Variants in PLA2G2F observed in about 807,000 individuals in gnomAD.
The protein encoded by PLA2G2F is phospholipase A2 group IIF, also known as group IIF secretory phospholipase A2.
In PLA2G2F, 17 loss-of-function variants were observed where a neutral mutation model predicts 15.9. The ratio of observed to expected loss-of-function variants is 1.07; its 90% CI spans 0.73 to 1.60. The LOEUF (loss-of-function observed/expected upper bound fraction) is 1.60. Among genes scored for constraint, PLA2G2F ranks in the 40% most tolerant of loss-of-function variants. The pLI is 0.00. For synonymous variants in PLA2G2F, 119 were observed against 106.5 expected, an observed-to-expected ratio of 1.12 and a Z score of -0.72; for missense variants, 299 against 278.2, an observed-to-expected ratio of 1.07 and a Z score of -0.53.
At chr1:20,140,544 C>A in intron 2 of PLA2G2F, 1 of 302,710 alleles carries the variant, frequency 3.3e-6, no homozygotes, top group Non-Finnish European at 6.2e-6. Flanking sequence ...ATTTTGTGTG[C>A]AGACAGGCAC....
chr1:20,143,296 T>C (rs1309366579), intron 2 of PLA2G2F, 150 bp from the exon 3 acceptor site: 2 of 1,004,450 alleles, frequency 2.0e-6, no homozygotes, highest in Non-Finnish European at 1.5e-6. Flanking sequence ...CCCACGCTTC[T>C]TGCCCCAGCT....
chr1:20,144,324 A>C (rs979065352), intron 3 of PLA2G2F, among the ~76,000 whole-genome samples: 5 of 152,194 alleles, frequency 3.3e-5, no homozygotes, highest in African/African-American at 1.2e-4. Flanking sequence ...GATAGAACAA[A>C]GACACAGGGG....
chr1:20,140,318 T>G, intron 2 of PLA2G2F, 100 bp downstream of exon 2: 1 of 1,294,728 alleles, frequency 7.7e-7, no homozygotes, highest in Non-Finnish European at 1.1e-6. Context: ...CCAGCCTAGG[T>G]TCCTTCCTGT....
Position 20,148,508 on chromosome 1 carries a change from C to T in PLA2G2F, c.*107C>T. On this transcript the variant is annotated 3_prime_UTR_variant, in exon 5 of 5. Coordinates refer to ENST00000375102, the MANE Select transcript of PLA2G2F (RefSeq NM_022819.4). ...CCAGGAGCCTGAGGGTTGCTGGTTG[C>T]CTCCTCCCTGGAGCTCTCCAGTGAG... The T allele has an allele frequency of 1.1e-6, 1 of 935,952 alleles. No individual in the cohort carries two copies. Among genetic ancestry groups the T allele is most frequent in the Non-Finnish European group, 1.6e-6 (1 of 617,322 alleles). 58.0% of individuals were successfully genotyped at this position (935,952 alleles called of 1,614,324 possible).
rs533317382 is a variant in PLA2G2F at position 20,143,669 on chromosome 1, C to T, written c.314+79C>T. ...GTCAGACTGACCTTGCCCTCCATCCCTGAGTGGGGGAGACCTTCTTTCCCC... is the reference window on the plus strand; with the variant it reads ...GTCAGACTGACCTTGCCCTCCATCCTTGAGTGGGGGAGACCTTCTTTCCCC... On this transcript the variant is annotated intron_variant, in intron 3 of 4. Coordinates refer to ENST00000375102, the MANE Select transcript of PLA2G2F (RefSeq NM_022819.4). 18 of 1,536,604 alleles carry T rather than the reference C, an allele frequency of 1.2e-5. No individual in the cohort carries two copies. The South Asian group carries it at 1.9e-4, about 17-fold the overall frequency.
At chr1:20,143,713 G>A (rs2017527313) in intron 3 of PLA2G2F, 123 bp downstream of exon 3, 1 of 1,266,352 alleles carries the variant, frequency 7.9e-7, no homozygotes, top group Non-Finnish European at 1.1e-6. Flanking sequence ...CAGCTTCTTT[G>A]ATGACTTGGT....
chr1:20,141,728 C>T (rs973331343), intron 2 of PLA2G2F: 5 of 152,326 alleles, frequency 3.3e-5, no homozygotes, highest in African/African-American at 9.7e-5. Flanking sequence ...AGGCACTCTA[C>T]ACACCTTCAT....
chr1:20,145,816 G>T (rs1345313348), intron 4 of PLA2G2F, among the ~76,000 whole-genome samples: 1 of 152,006 alleles, frequency 6.6e-6, no homozygotes, highest in Non-Finnish European at 1.5e-5. Context: ...TCACTATGTT[G>T]CCCAGGCTGG....
intron 3 of PLA2G2F, 135 bp from the exon 4 acceptor site, chr1:20,144,445 A>T: frequency 1.5e-6 from 1 of 677,530 alleles, no homozygotes; most frequent in South Asian, 1.7e-5. Flanking sequence ...GACCTCAGAC[A>T]AGTAACTGTC....
At position 20,148,321 on chromosome 1, in the gene PLA2G2F, C is replaced by T. The variant is rs760594368; in HGVS notation, c.556C>T (p.Pro186Ser). 6.2e-7 allele frequency: 1 copy of T among 1,614,120 alleles called. No individual in the cohort carries two copies. The highest frequency in any genetic ancestry group is 8.5e-7 in the Non-Finnish European group (1 of 1,180,000). ...FLNVYCQGPT[P>S]NCSIYEPPPE... ...CAATGTCTACTGCCAGGGCCCCACGCCCAACTGCAGCATCTATGAACCGCC... is the reference window on the plus strand; with the variant it reads ...CAATGTCTACTGCCAGGGCCCCACGTCCAACTGCAGCATCTATGAACCGCC... Residue 186 changes from proline to serine, a missense_variant, in exon 5 of 5, where the codon CCC becomes TCC. Transcript: ENST00000375102.
intron 2 of PLA2G2F, chr1:20,140,513 T>C (rs2017436326): frequency 1.3e-5 from 5 of 378,468 alleles, no homozygotes; most frequent in Non-Finnish European, 2.4e-5. Flanking sequence ...CTAGTGTGTG[T>C]CCATCAGACT....
intron 4 of PLA2G2F, among the ~76,000 whole-genome samples, chr1:20,146,622 G>A (rs1180076971): frequency 6.6e-6 from 1 of 152,220 alleles, no homozygotes; most frequent in Non-Finnish European, 1.5e-5. Flanking sequence ...TTCACCTGGT[G>A]GTACCAGTTG....
chr1:20,144,367 G>T (rs1325458768), intron 3 of PLA2G2F, among the ~76,000 whole-genome samples: 1 of 152,234 alleles, frequency 6.6e-6, no homozygotes, highest in Non-Finnish European at 1.5e-5. Flanking sequence ...GGTCTGGCAG[G>T]TGCCAACGAA....
chr1:20,143,385 A>G, intron 2 of PLA2G2F, 61 bp from the exon 3 acceptor site: 1 of 1,581,408 alleles, frequency 6.3e-7, no homozygotes, highest in Admixed American at 1.7e-5. Flanking sequence ...TCAGGATGAG[A>G]GAGGCTGGGA....
chr1:20,147,828 T>C (rs2017642634), intron 4 of PLA2G2F, among the ~76,000 whole-genome samples: 2 of 152,200 alleles, frequency 1.3e-5, no homozygotes, highest in African/African-American at 4.8e-5. Context: ...GTAACAAGCC[T>C]GGGAGGCGTG....
At chr1:20,144,843 G>A (rs542919882) in intron 4 of PLA2G2F, among the ~76,000 whole-genome samples, 154 bp downstream of exon 4, 4 of 152,206 alleles carry the variant, frequency 2.6e-5, no homozygotes, top group Admixed American at 6.5e-5. Flanking sequence ...TTGGGAGGCC[G>A]AGGCGGGCGG....
chr1:20,144,481 T>G (rs1467290104), intron 3 of PLA2G2F, 99 bp from the exon 4 acceptor site: 5 of 869,446 alleles, frequency 5.8e-6, no homozygotes, highest in Non-Finnish European at 9.3e-6. Context: ...GTTCGAACGT[T>G]TGACCTGCGA....
At chr1:20,147,312 G>A (rs1013664595) in intron 4 of PLA2G2F, among the ~76,000 whole-genome samples, 2 of 152,228 alleles carry the variant, frequency 1.3e-5, no homozygotes, top group Non-Finnish European at 2.9e-5. Context: ...GATGATTTCC[G>A]AAATCTACTA....
At chr1:20,148,057 T>A in intron 4 of PLA2G2F, 133 bp from the exon 5 acceptor site, 1 of 749,054 alleles carries the variant, frequency 1.3e-6, no homozygotes, top group Non-Finnish European at 2.3e-6. Context: ...GTGGTGCTGG[T>A]CCTGCCGCCC....
Sources: gnomAD v4.1 joint callset for allele counts (sites outside exome capture counted in the v4.1 genomes callset) on GRCh38, gnomAD v4.1.1 for gene constraint, MANE v1.5 for transcripts, NCBI Gene and HGNC (gene_info 2026-07-23, HGNC 2026-07-21) for gene names.